Variants in HAPSTR1 observed in about 807,000 individuals in gnomAD.
HAPSTR1 encodes the protein HUWE1 associated protein modifying stress responses.
the HAPSTR1 span, among the ~76,000 whole-genome samples, chr16:9,099,000 T>C: frequency 6.6e-6 from 1 of 152,136 alleles, no homozygotes; most frequent in Non-Finnish European, 1.5e-5. Context: ...TATGCAGTTA[T>C]GTAAGAAAGT....
the HAPSTR1 span, chr16:9,092,973 A>G: frequency 6.2e-7 from 1 of 1,607,702 alleles, no homozygotes; most frequent in Non-Finnish European, 8.5e-7. Flanking sequence ...TCCAAAACGC[A>G]GCCACCGCCG....
chr16:9,102,987 G>T, the HAPSTR1 span: 1 of 1,613,112 alleles, frequency 6.2e-7, no homozygotes, highest in Non-Finnish European at 8.5e-7. Context: ...CTAACAGAAA[G>T]CGTGGATACC....
At chr16:9,111,824 T>A in the HAPSTR1 span, 1 of 152,234 alleles carries the variant, frequency 6.6e-6, no homozygotes. Context: ...TTCAGTTCAA[T>A]GTTTGGTGCA....
At chr16:9,096,387 TTCTTCA>T in the HAPSTR1 span, among the ~76,000 whole-genome samples, 15 of 148,074 alleles carry the variant, frequency 1.0e-4, no homozygotes, top group Non-Finnish European at 1.8e-4. Flanking sequence ...GTGTATTTCC[TTCTTCA>T]TCTTCTTTCC....
the HAPSTR1 span, chr16:9,107,301 T>C: frequency 1.3e-5 from 2 of 152,246 alleles, no homozygotes; most frequent in Admixed American, 1.3e-4. Flanking sequence ...ATAGAGCGAT[T>C]CCTTTTTCTG....
the HAPSTR1 span, chr16:9,106,998 T>A: frequency 6.6e-6 from 1 of 152,282 alleles, no homozygotes; most frequent in African/African-American, 2.4e-5. Flanking sequence ...TTCTGCCACA[T>A]TGGCCTGCCT....
chr16:9,103,342 C>A, the HAPSTR1 span: 258 of 1,406,124 alleles, frequency 1.8e-4, no homozygotes, highest in Non-Finnish European at 2.3e-4. Flanking sequence ...GGTTTAGGTC[C>A]AGATATACTG....
chr16:9,098,058 C>CG, the HAPSTR1 span, among the ~76,000 whole-genome samples: 2 of 152,146 alleles, frequency 1.3e-5, no homozygotes, highest in Admixed American at 1.3e-4. Flanking sequence ...AGGGCTGGGG[C>CG]GGGGGCTCAC....
chr16:9,104,216 C>G, the HAPSTR1 span: 1 of 150,988 alleles, frequency 6.6e-6, no homozygotes, highest in Non-Finnish European at 1.5e-5. Context: ...TGGGTTCAAG[C>G]GATTCTCCTG....
chr16:9,105,196 C>A, the HAPSTR1 span: 2 of 152,176 alleles, frequency 1.3e-5, no homozygotes, highest in South Asian at 4.1e-4. Flanking sequence ...GTTGAAGGGA[C>A]TGTTTATAAT....
At chr16:9,120,560 ATTTT>A in the HAPSTR1 span, 1 of 145,294 alleles carries the variant, frequency 6.9e-6, no homozygotes, top group Non-Finnish European at 1.5e-5. Flanking sequence ...ATGGCCCCTC[ATTTT>A]TTTTTTATTT....
chr16:9,107,827 C>G, the HAPSTR1 span: 1 of 152,146 alleles, frequency 6.6e-6, no homozygotes, highest in African/African-American at 2.4e-5. Flanking sequence ...TGTGACTGTT[C>G]CATTCTCCTC....
At chr16:9,100,215 T>G in the HAPSTR1 span, among the ~76,000 whole-genome samples, 29 of 152,270 alleles carry the variant, frequency 1.9e-4, no homozygotes, top group African/African-American at 5.8e-4. Flanking sequence ...GTGAAATAAT[T>G]GGTCAGTTGC....
chr16:9,104,766 T>C, the HAPSTR1 span: 3 of 152,362 alleles, frequency 2.0e-5, no homozygotes, highest in South Asian at 4.1e-4. Context: ...GATCTGTTTA[T>C]GCTGAATTAG....
chr16:9,115,888 G>A, the HAPSTR1 span, among the ~76,000 whole-genome samples: 3 of 152,266 alleles, frequency 2.0e-5, no homozygotes, highest in South Asian at 6.2e-4. Context: ...GGGATTACAG[G>A]TGTGAGCCAC....
chr16:9,102,893 C>T, the HAPSTR1 span: 1 of 1,367,636 alleles, frequency 7.3e-7, no homozygotes, highest in Non-Finnish European at 1.0e-6. Flanking sequence ...ATGGTATTCA[C>T]TTTGGTTAAA....
At chr16:9,092,416 C>A in the HAPSTR1 span, 2 of 707,258 alleles carry the variant, frequency 2.8e-6, no homozygotes, top group Non-Finnish European at 3.8e-6. Context: ...CCCTGCCGCC[C>A]CCTCCCCGCA....
chr16:9,105,457 G>A, the HAPSTR1 span: 1 of 152,290 alleles, frequency 6.6e-6, no homozygotes, highest in Non-Finnish European at 1.5e-5. Flanking sequence ...GTACTGGTTT[G>A]TGAGAACATC....
the HAPSTR1 span, chr16:9,111,260 G>A: frequency 6.6e-6 from 1 of 152,214 alleles, no homozygotes; most frequent in African/African-American, 2.4e-5. Context: ...TGAAGTAACA[G>A]AACTGTTGGT....
Sources: gnomAD v4.1 joint callset for allele counts (sites outside exome capture counted in the v4.1 genomes callset) on GRCh38, gnomAD v4.1.1 for gene constraint, MANE v1.5 for transcripts, NCBI Gene and HGNC (gene_info 2026-07-23, HGNC 2026-07-21) for gene names.